Variants in PTPRN2 observed in about 807,000 individuals in gnomAD.
The protein encoded by PTPRN2 is protein tyrosine phosphatase receptor type N2, also known as receptor-type tyrosine-protein phosphatase N2.
PTPRN2 carries 74 observed loss-of-function variants against 118.8 expected under a neutral mutation model. The ratio of observed to expected loss-of-function variants is 0.62; its 90% CI spans 0.52 to 0.76. The LOEUF (loss-of-function observed/expected upper bound fraction) is 0.76, where lower values mean the gene tolerates loss of function less well. Ranked by LOEUF, PTPRN2 falls within the 30% of genes least tolerant of loss-of-function variation. The pLI, the probability that PTPRN2 is intolerant of heterozygous loss-of-function variation, is 0.00. For missense variants in PTPRN2, 1,481 were observed against 1,394.4 expected (o/e 1.06, Z -0.99); for synonymous variants, 641 against 608.0 (o/e 1.05, Z -0.80).
At position 158,325,239 on chromosome 7, in the gene PTPRN2, G is replaced by A. The variant is rs947987567; in HGVS notation, c.164-8307C>T. Among the ~76,000 whole-genome samples, 11 of 152,370 alleles carry A rather than the reference G, an allele frequency of 7.2e-5. 1 individual carries two copies. In the South Asian group the frequency reaches 1.9e-3, roughly 26 times the overall value. On this transcript the variant is annotated intron_variant, in intron 2 of 22. Coordinates refer to ENST00000389418, the MANE Select transcript of PTPRN2 (RefSeq NM_002847.5). ...GAGCATCTTCCTTCCACCAAACGCC[G>A]TGAACACGACCAGCTCCTGGGCAGG...
intron 2 of PTPRN2, among the ~76,000 whole-genome samples, chr7:158,402,742 G>A (rs1052040244): frequency 6.6e-6 from 1 of 152,186 alleles, no homozygotes; most frequent in African/African-American, 2.4e-5. Flanking sequence ...GCCCTAGAGG[G>A]ATCCAAGGGC....
At chr7:157,915,458 C>T (rs987503387) in intron 11 of PTPRN2, among the ~76,000 whole-genome samples, 4 of 150,504 alleles carry the variant, frequency 2.7e-5, no homozygotes, top group Admixed American at 6.6e-5. Context: ...CCGCCTTCCC[C>T]GCCACACACA....
At chr7:157,806,556 A>G (rs2151107067) in intron 12 of PTPRN2, among the ~76,000 whole-genome samples, 1 of 152,260 alleles carries the variant, frequency 6.6e-6, no homozygotes, top group East Asian at 1.9e-4. Flanking sequence ...GTATACATAG[A>G]TGCATATGTG....
chr7:157,757,539 CA>C (rs1220638878), intron 12 of PTPRN2, among the ~76,000 whole-genome samples: 5 of 151,820 alleles, frequency 3.3e-5, no homozygotes, highest in South Asian at 2.1e-4. Flanking sequence ...GAAGGTCTTC[CA>C]GTCGGGGAAG....
chr7:158,251,565 G>C (rs1039332271), intron 3 of PTPRN2, among the ~76,000 whole-genome samples: 4 of 151,036 alleles, frequency 2.6e-5, no homozygotes, highest in Non-Finnish European at 5.9e-5. Context: ...GTGCCTGTGG[G>C]GTGTGTGCAG....
intron 1 of PTPRN2, among the ~76,000 whole-genome samples, chr7:158,523,609 T>A (rs1029937343): frequency 1.5e-5 from 2 of 132,956 alleles, no homozygotes; most frequent in Non-Finnish European, 3.1e-5. Flanking sequence ...TGGAGCAGAG[T>A]CTGCCCTGGA....
chr7:158,381,802 C>A (rs1586525807), intron 2 of PTPRN2, among the ~76,000 whole-genome samples: 1 of 152,154 alleles, frequency 6.6e-6, no homozygotes, highest in Non-Finnish European at 1.5e-5. Flanking sequence ...CTGGGGAGGC[C>A]TCACAATCAT....
chr7:158,265,770 C>T (rs1369990433), intron 3 of PTPRN2, among the ~76,000 whole-genome samples: 1 of 152,210 alleles, frequency 6.6e-6, no homozygotes, highest in African/African-American at 2.4e-5. Flanking sequence ...GGACATGGTC[C>T]AGGCACACAT....
chr7:158,076,481 C>T (rs962375307), intron 11 of PTPRN2, among the ~76,000 whole-genome samples: 3 of 152,266 alleles, frequency 2.0e-5, no homozygotes, highest in African/African-American at 7.2e-5. Flanking sequence ...TCCCCCTCCC[C>T]CGGGGCCAAC....
intron 1 of PTPRN2, among the ~76,000 whole-genome samples, chr7:158,566,436 G>A (rs561203601): frequency 1.3e-4 from 19 of 151,984 alleles, no homozygotes; most frequent in Admixed American, 2.6e-4. Context: ...GTAGCCTCCC[G>A]AGGACAAGCT....
At chr7:158,271,847 C>T (rs1313350207) in intron 3 of PTPRN2, among the ~76,000 whole-genome samples, 1 of 152,180 alleles carries the variant, frequency 6.6e-6, no homozygotes, top group Non-Finnish European at 1.5e-5. Context: ...GGCTCTTCCT[C>T]AGGGCCTCAG....
At chr7:158,300,554 A>AGTCCCG (rs1554445871) in intron 3 of PTPRN2, among the ~76,000 whole-genome samples, 2 of 146,630 alleles carry the variant, frequency 1.4e-5, no homozygotes, top group African/African-American at 2.5e-5. Context: ...CTGCACGCCC[A>AGTCCCG]CAGCGCCTCG....
At chr7:157,970,233 C>G (rs1802224677) in intron 11 of PTPRN2, among the ~76,000 whole-genome samples, 1 of 152,208 alleles carries the variant, frequency 6.6e-6, no homozygotes, top group Admixed American at 6.5e-5. Flanking sequence ...GCCCTATGAA[C>G]TCCCCAAGAG....
chr7:157,970,907 G>A (rs147206119), intron 11 of PTPRN2, among the ~76,000 whole-genome samples: 11 of 152,270 alleles, frequency 7.2e-5, no homozygotes, highest in East Asian at 3.9e-4. Context: ...GTCCCTGCAC[G>A]CACGAGGCAC....
intron 9 of PTPRN2, among the ~76,000 whole-genome samples, chr7:158,113,682 G>C (rs1816478991): frequency 6.6e-6 from 1 of 152,168 alleles, no homozygotes; most frequent in African/African-American, 2.4e-5. Flanking sequence ...GTTCTTGGGG[G>C]TTATGAATCC....
At chr7:157,984,879 C>G (rs1012354160) in intron 11 of PTPRN2, among the ~76,000 whole-genome samples, 1 of 152,252 alleles carries the variant, frequency 6.6e-6, no homozygotes, top group African/African-American at 2.4e-5. Context: ...CACTGGCCTC[C>G]TGCCCCTCAC....
intron 3 of PTPRN2, among the ~76,000 whole-genome samples, chr7:158,227,357 C>A (rs906499634): frequency 1.3e-5 from 2 of 152,048 alleles, no homozygotes; most frequent in Non-Finnish European, 2.9e-5. Flanking sequence ...CGCGGTAATA[C>A]TGAGAGATAA....
At chr7:157,892,791 A>G (rs998645485) in intron 12 of PTPRN2, among the ~76,000 whole-genome samples, 7 of 152,236 alleles carry the variant, frequency 4.6e-5, no homozygotes, top group Admixed American at 3.9e-4. Context: ...CTCCAAATAT[A>G]TAAACCTCCC....
intron 17 of PTPRN2, among the ~76,000 whole-genome samples, chr7:157,586,545 A>G (rs1313254826): frequency 2.6e-5 from 4 of 152,224 alleles, no homozygotes; most frequent in African/African-American, 9.6e-5. Context: ...CTGACGAGAA[A>G]GGAGAGGCTG....
Sources: allele counts gnomAD v4.1 joint callset (sites outside exome capture counted in the v4.1 genomes callset), GRCh38; gene constraint gnomAD v4.1.1; transcripts MANE v1.5; gene names NCBI Gene and HGNC (gene_info 2026-07-23, HGNC 2026-07-21).